PDZD2: variants seen among roughly 807,000 people sequenced by gnomAD.
The protein encoded by PDZD2 is PDZ domain-containing protein 2.
In PDZD2, 90 loss-of-function variants were observed where a neutral mutation model predicts 220.7. The observed-to-expected ratio is 0.41, with a 90% CI of 0.34 to 0.49. The LOEUF (loss-of-function observed/expected upper bound fraction) is 0.49, where lower values mean the gene tolerates loss of function less well. PDZD2 is among the 20% of genes least tolerant of loss of function. PDZD2 has a pLI of 0.28. For synonymous variants in PDZD2, 1,375 were observed against 1,450.5 expected, an observed-to-expected ratio of 0.95 and a Z score of 1.18; for missense variants, 3,174 against 3,608.5, an observed-to-expected ratio of 0.88 and a Z score of 3.08.
chr5:31,743,695 G>A (rs886611881), intron 1 of PDZD2, among the ~76,000 whole-genome samples: 4 of 152,068 alleles, frequency 2.6e-5, no homozygotes, highest in Admixed American at 6.5e-5. Flanking sequence ...TCATCCTTCA[G>A]TTCATCCATT....
At position 31,887,683 on chromosome 5, in the gene PDZD2, G is replaced by A. The variant is rs368560558; in HGVS notation, c.476+87959G>A. On this transcript the variant is annotated intron_variant, in intron 2 of 24. Transcript: ENST00000438447. Reference sequence around the variant, plus strand: ...TTCTGTAGGAATCTGACAAAATTTCGCATAGCTGTACAGAGAACTGCCAGT... The same window carrying A: ...TTCTGTAGGAATCTGACAAAATTTCACATAGCTGTACAGAGAACTGCCAGT... 3.5e-4 allele frequency among the ~76,000 whole-genome samples: 53 copies of A among 152,148 alleles called. No homozygotes were observed. The South Asian group carries it at 9.8e-3, about 28-fold the overall frequency.
rs140253435 is a variant in PDZD2, at chr5:32,031,760, A to G, written c.1408-5471A>G. Among the ~76,000 whole-genome samples, 94 of 152,304 alleles carry G rather than the reference A, an allele frequency of 6.2e-4. 1 individual carries two copies. The highest frequency in any genetic ancestry group is 2.1e-3 in the African/African-American group (86 of 41,554). ...CCTTACCTATATTCTTATGATACAC[A>G]TTAGGTACTCCACAGTGAATTTCTT... On this transcript the variant is annotated intron_variant, in intron 6 of 24. Transcript: ENST00000438447.
At chr5:31,745,929 GA>G (rs1402634332) in intron 1 of PDZD2, among the ~76,000 whole-genome samples, 1 of 152,012 alleles carries the variant, frequency 6.6e-6, no homozygotes, top group East Asian at 1.9e-4. Flanking sequence ...ATCTGAGAGG[GA>G]CACAAAATAA....
chr5:31,854,916 G>GT (rs1554083562), intron 2 of PDZD2: 22 of 807,698 alleles, frequency 2.7e-5, no homozygotes, highest in Middle Eastern at 6.1e-4. Context: ...GGAGGGAGGA[G>GT]GGGGGGGTCC....
chr5:32,072,733 C>T (rs1055254901), intron 17 of PDZD2, among the ~76,000 whole-genome samples: 4 of 152,204 alleles, frequency 2.6e-5, no homozygotes, highest in African/African-American at 9.6e-5. Flanking sequence ...TTGGAAAATG[C>T]AGCCACTGTT....
At chr5:31,903,010 G>GA (rs1020501073) in intron 2 of PDZD2, among the ~76,000 whole-genome samples, 15 of 148,598 alleles carry the variant, frequency 1.0e-4, no homozygotes, top group South Asian at 6.4e-4. Flanking sequence ...ATGCAGGAGG[G>GA]AAAAAAAAAA....
chr5:31,960,347 A>G (rs1037777059), intron 2 of PDZD2, among the ~76,000 whole-genome samples: 3 of 123,790 alleles, frequency 2.4e-5, no homozygotes, highest in African/African-American at 8.3e-5. Context: ...CCTCCTGAGT[A>G]GCTGGGATTA....
chr5:32,014,461 G>T (rs895948486), intron 6 of PDZD2, among the ~76,000 whole-genome samples: 1 of 152,122 alleles, frequency 6.6e-6, no homozygotes, highest in Non-Finnish European at 1.5e-5. Context: ...GAACAGGATG[G>T]TGAAACCCCA....
rs1581425647 is a variant in PDZD2, at chr5:32,073,462, G to A, written c.2726-370G>A. Among the ~76,000 whole-genome samples the A allele has an allele frequency of 2.6e-5, 4 of 152,138 alleles. No individual in the cohort carries two copies. In the East Asian group the frequency reaches 7.7e-4, roughly 29 times the overall value. ...TGTGGGACATGTCATCAGTCCCCAG[G>A]CATCCTTCTATGGAGGAATTCTCAG... On this transcript the variant is annotated intron_variant, in intron 17 of 24. Coordinates refer to ENST00000438447, the MANE Select transcript of PDZD2 (RefSeq NM_178140.4).
chr5:31,939,927 T>G (rs1184845466), intron 2 of PDZD2, among the ~76,000 whole-genome samples: 1 of 152,198 alleles, frequency 6.6e-6, no homozygotes, highest in Non-Finnish European at 1.5e-5. Context: ...AAAATAAAAG[T>G]TATGATTCTG....
Position 32,089,374 on chromosome 5 carries a change from G to T in PDZD2, c.5926G>T (p.Asp1976Tyr), listed in dbSNP as rs781180493. Reference protein sequence around the residue: ...TSGPLKPSVSDTSIRTFVSPL... With the variant: ...TSGPLKPSVSYTSIRTFVSPL... ...TGGGCCACTGAAACCCTCAGTGTCT[G>T]ACACGAGCATCAGGACATTTGTCTC... Residue 1976 changes from aspartate to tyrosine, a missense_variant, in exon 20 of 25, where the codon GAC (aspartate) becomes TAC (tyrosine). Physicochemically the swap from Asp to Tyr is radical, Grantham distance 160. Around this residue, in one of 4 missense-constraint regions of PDZD2, gnomAD observed 1,861 missense variants for 2,001.0 expected, o/e 0.93. Coordinates refer to ENST00000438447, the MANE Select transcript of PDZD2 (RefSeq NM_178140.4). 9 of 1,614,146 alleles carry T rather than the reference G, an allele frequency of 5.6e-6. 1 individual carries two copies. The South Asian group carries it at 9.9e-5, about 18-fold the overall frequency.
intron 5 of PDZD2, among the ~76,000 whole-genome samples, chr5:32,006,444 C>T (rs942623818): frequency 2.0e-5 from 3 of 148,894 alleles, no homozygotes; most frequent in Non-Finnish European, 4.4e-5. Flanking sequence ...CAGCCTGAAA[C>T]CTGAGGCTCA....
In PDZD2 at chr5:31,674,699, G is replaced by A. The variant is rs150697618; in HGVS notation, c.-361+35262G>A. 2.3e-3 allele frequency among the ~76,000 whole-genome samples: 353 copies of A among 152,332 alleles called. 1 individual carries two copies. Among genetic ancestry groups the A allele is most frequent in the African/African-American group, 8.1e-3 (338 of 41,568 alleles). On this transcript the variant is annotated intron_variant, in intron 1 of 24. Transcript: ENST00000438447. ...ATGATGGGACCTTTTATGGAAATGT[G>A]TAAGTTGGAGAGGGAACAAGTCTGG...
At chr5:31,712,586 A>G (rs1748191692) in intron 1 of PDZD2, among the ~76,000 whole-genome samples, 1 of 152,100 alleles carries the variant, frequency 6.6e-6, no homozygotes, top group South Asian at 2.1e-4. Flanking sequence ...ATGGCAGCTC[A>G]TGGCTCCCCA....
intron 2 of PDZD2, chr5:31,854,974 AG>A: frequency 1.0e-6 from 1 of 985,460 alleles, no homozygotes; most frequent in South Asian, 4.7e-5. Context: ...GAAGTCCTGC[AG>A]GAGCCGCGTT....
intron 5 of PDZD2, among the ~76,000 whole-genome samples, chr5:32,003,352 A>C (rs1581253011): frequency 1.4e-5 from 1 of 70,568 alleles, no homozygotes; most frequent in South Asian, 5.8e-4. Context: ...CACACACACC[A>C]CACACCACAC....
At chr5:31,776,283 A>G (rs546162651) in intron 1 of PDZD2, among the ~76,000 whole-genome samples, 60 of 152,014 alleles carry the variant, frequency 3.9e-4, no homozygotes, top group African/African-American at 1.4e-3. Context: ...CCAAGATGCC[A>G]GCCCCTTCCC....
chr5:31,874,259 C>T (rs912425793), intron 2 of PDZD2, among the ~76,000 whole-genome samples: 4 of 152,174 alleles, frequency 2.6e-5, no homozygotes, highest in Non-Finnish European at 5.9e-5. Flanking sequence ...TAGATTGCTG[C>T]TTGACCAAAC....
intron 1 of PDZD2, among the ~76,000 whole-genome samples, chr5:31,691,352 A>G (rs1327275696): frequency 6.6e-6 from 1 of 152,152 alleles, no homozygotes; most frequent in East Asian, 1.9e-4. Flanking sequence ...TGTGGACCCA[A>G]AGAGTGAGCA....
Sources: gnomAD v4.1 joint callset for allele counts (sites outside exome capture counted in the v4.1 genomes callset) on GRCh38, gnomAD v4.1.1 for gene constraint, gnomAD v4.1.1 regional missense constraint, MANE v1.5 for transcripts, NCBI Gene and HGNC (gene_info 2026-07-23, HGNC 2026-07-21) for gene names.